PSG6: variants seen among roughly 807,000 people sequenced by gnomAD.
PSG6 encodes the protein pregnancy-specific beta-1-glycoprotein 6.
A neutral mutation model predicts 43.3 loss-of-function variants in PSG6; 51 were observed. The observed-to-expected ratio is 1.18, with a 90% CI of 0.94 to 1.49. The LOEUF (loss-of-function observed/expected upper bound fraction) is 1.49. PSG6 is among the 40% of genes most tolerant of loss of function. PSG6 has a pLI of 0.00. For synonymous variants in PSG6, 292 were observed against 197.6 expected (o/e 1.48, Z -4.01); for missense variants, 770 against 522.2 (o/e 1.47, Z -4.62).
chr19:42,910,798 G>A lies in PSG6; in HGVS notation c.488C>T (p.Ala163Val), dbSNP rs1398812733. The A allele has an allele frequency of 1.9e-6, 3 of 1,612,190 alleles. No homozygotes were observed. The highest frequency in any genetic ancestry group is 2.7e-5 in the African/African-American group (2 of 74,712). Residue 163 changes from alanine (A) to valine (V), a missense_variant, in exon 3 of 6, where the codon GCT becomes GTT. By Grantham distance (64) the Ala-to-Val change is moderately conservative (BLOSUM62 0). Coordinates refer to ENST00000187910, the MANE Select transcript of PSG6 (RefSeq NM_001031850.4). ...CTCAGGATCACAGATTAAGCGCACA[G>A]CCTCCATGACCTCCCTGGGGTTTAA... ...SNLNPREVME[A>V]VRLICDPETP...
intron 5 of PSG6, among the ~76,000 whole-genome samples, chr19:42,905,218 T>G (rs1412489132): frequency 6.6e-6 from 1 of 151,774 alleles, no homozygotes; most frequent in Non-Finnish European, 1.5e-5. Flanking sequence ...CAATGATTTC[T>G]TGGTTGTAAC....
intron 5 of PSG6, chr19:42,906,693 C>T: frequency 6.9e-7 from 1 of 1,453,888 alleles, no homozygotes; most frequent in Non-Finnish European, 9.1e-7. Context: ...CTGATAAAGC[C>T]CCCTCCCTAC....
At position 42,902,117 on chromosome 19, in the gene PSG6, A is replaced by G. The variant is rs1478617915; in HGVS notation, c.*295T>C. 4 of 324,342 alleles carry G rather than the reference A, an allele frequency of 1.2e-5. No individual in the cohort carries two copies. The East Asian group carries it at 2.5e-4, about 21-fold the overall frequency. The allele number at this position is 324,342 out of a possible 1,614,324, so 20.1% of individuals were successfully genotyped here. A position where few individuals can be genotyped will look rare whatever the true frequency, so the allele number is the denominator to read the frequency against. ...TGTGCAAATAACTTTATTACCATAAACCTATGAATACTCATGAATAGTTTC... is the reference window on the plus strand; with the variant it reads ...TGTGCAAATAACTTTATTACCATAAGCCTATGAATACTCATGAATAGTTTC... On this transcript the variant is annotated 3_prime_UTR_variant, in exon 6 of 6. Coordinates refer to ENST00000187910, the MANE Select transcript of PSG6 (RefSeq NM_001031850.4).
Position 42,908,686 on chromosome 19 carries a change from T to C in PSG6, c.707-832A>G, listed in dbSNP as rs201883481. 3.6e-4 allele frequency among the ~76,000 whole-genome samples: 55 copies of C among 151,692 alleles called. 3 individuals are homozygous for C. In the East Asian group the frequency reaches 9.9e-3, roughly 27 times the overall value. On this transcript the variant is annotated intron_variant, in intron 3 of 5. Transcript: ENST00000187910. Reference sequence around the variant, plus strand: ...CATTTGCAAATGCAGAACTGAGTGGTGGAAAGGGTGGGAATGAACTGCTGG... The same window carrying C: ...CATTTGCAAATGCAGAACTGAGTGGCGGAAAGGGTGGGAATGAACTGCTGG...
In PSG6 at chr19:42,907,076, C is replaced by A. The variant is rs763828030; in HGVS notation, c.1086G>T (p.Glu362Asp). 9 of 1,612,702 alleles carry A rather than the reference C, an allele frequency of 5.6e-6. No individual in the cohort carries two copies. The highest frequency in any genetic ancestry group is 7.6e-6 in the Non-Finnish European group (9 of 1,179,270). The change falls in exon 5 of 6, where the codon GAG becomes GAT. Residue 362 changes from glutamate to aspartate, a missense_variant. Coordinates refer to ENST00000187910, the MANE Select transcript of PSG6 (RefSeq NM_001031850.4). ...ACTTCCCATTAATTGTCCAAGAATA[C>A]TCTGCCGGTGGGTTAGAGTCCGCAA... ...SCFADSNPPA[E>D]YSWTINGKFQ...
Position 42,910,809 on chromosome 19 carries a change from C to A in PSG6, c.477G>T (p.Glu159Asp), listed in dbSNP as rs779972451. ...SISSSNLNPR[E>D]VMEAVRLICD... ...AGATTAAGCGCACAGCCTCCATGAC[C>A]TCCCTGGGGTTTAAGTTGCTGCTGG... Residue 159 changes from glutamate (E) to aspartate (D), a missense_variant, in exon 3 of 6, where the codon GAG (glutamate) becomes GAT (aspartate). Glu to Asp is a conservative substitution (Grantham distance 45). Coordinates refer to ENST00000187910, the MANE Select transcript of PSG6 (RefSeq NM_001031850.4). The A allele has an allele frequency of 2.5e-6, 4 of 1,612,062 alleles. No individual in the cohort carries two copies. The highest frequency in any genetic ancestry group is 1.1e-5 in the South Asian group (1 of 90,580).
At chr19:42,904,067 G>C (rs971071927) in intron 5 of PSG6, among the ~76,000 whole-genome samples, 1 of 151,612 alleles carries the variant, frequency 6.6e-6, no homozygotes, top group Non-Finnish European at 1.5e-5. Flanking sequence ...ACTATAATCA[G>C]TAAGAAGATT....
chr19:42,915,126 C>G (rs924235618), intron 2 of PSG6, among the ~76,000 whole-genome samples: 1 of 151,478 alleles, frequency 6.6e-6, no homozygotes, highest in Admixed American at 6.6e-5. Context: ...GGGCCTGTGG[C>G]TGCAGACAGA....
At chr19:42,907,235 G>T (rs1228754625) in intron 4 of PSG6, 59 bp from the exon 5 acceptor site, 1 of 1,579,632 alleles carries the variant, frequency 6.3e-7, no homozygotes, top group Non-Finnish European at 8.6e-7. Flanking sequence ...GATGCTCCTG[G>T]TCTCTTAAAG....
chr19:42,916,040 A>G lies in PSG6; in HGVS notation c.427+85T>C, dbSNP rs565110819. ...ACATAATGCAGAGAGTGACACAGGC[A>G]GAGTCCAGGCCTGACAATTCTGTGT... On this transcript the variant is annotated intron_variant, in intron 2 of 5. Coordinates refer to ENST00000187910, the MANE Select transcript of PSG6 (RefSeq NM_001031850.4). 36 of 1,586,942 alleles carry G rather than the reference A, an allele frequency of 2.3e-5. 1 individual carries two copies. The South Asian group carries it at 4.1e-4, about 18-fold the overall frequency.
chr19:42,906,044 A>C (rs1260426554), intron 5 of PSG6, among the ~76,000 whole-genome samples: 2 of 151,636 alleles, frequency 1.3e-5, no homozygotes, highest in Non-Finnish European at 2.9e-5. Flanking sequence ...TGGTAAGTCT[A>C]ATATTAGATA....
chr19:42,904,190 C>T (rs1010101974), intron 5 of PSG6, among the ~76,000 whole-genome samples: 2 of 151,614 alleles, frequency 1.3e-5, no homozygotes, highest in African/African-American at 2.4e-5. Flanking sequence ...CCAATGCTAA[C>T]ATCTTACATA....
In PSG6 at chr19:42,907,814, G is replaced by A; in HGVS notation, c.747C>T (p.Asn249=). The A allele has an allele frequency of 6.2e-7, 1 of 1,611,594 alleles. No homozygotes were observed. The highest frequency in any genetic ancestry group is 8.5e-7 in the Non-Finnish European group (1 of 1,179,084). Residue 249 remains asparagine, a synonymous_variant, in exon 4 of 6, where the codon AAC becomes AAT. Transcript: ENST00000187910. The part of the protein sequence containing the change: ...PMPYITINNL[N]PREKKDVLAF... Reference sequence around the variant, plus strand: ...CTAACACATCCTTCTTCTCCCTGGGGTTTAAGTTGTTGATGGTGATGTAAG... The same window carrying A: ...CTAACACATCCTTCTTCTCCCTGGGATTTAAGTTGTTGATGGTGATGTAAG...
chr19:42,902,641 C>T (rs555995053), intron 5 of PSG6, among the ~76,000 whole-genome samples, 195 bp from the exon 6 acceptor site: 1 of 151,720 alleles, frequency 6.6e-6, no homozygotes, highest in South Asian at 2.1e-4. Context: ...GCATTGGTAC[C>T]TAAAACTTCT....
chr19:42,905,384 G>A (rs1159356625), intron 5 of PSG6, among the ~76,000 whole-genome samples: 1 of 151,626 alleles, frequency 6.6e-6, no homozygotes, highest in African/African-American at 2.4e-5. Flanking sequence ...CTTTAGGATG[G>A]CTTTGATAAA....
rs538098375 is a variant in PSG6, at chr19:42,912,922, T to G, written c.428-2064A>C. On this transcript the variant is annotated intron_variant, in intron 2 of 5. Transcript: ENST00000187910. ...CCAAACCACAAGTATTCCCGTTAAGTGTATGTGACAGCCTTTGTAGTTGTC... is the reference window on the plus strand; with the variant it reads ...CCAAACCACAAGTATTCCCGTTAAGGGTATGTGACAGCCTTTGTAGTTGTC... 8.7e-4 allele frequency among the ~76,000 whole-genome samples: 132 copies of G among 151,790 alleles called. 1 individual carries two copies. Among genetic ancestry groups the G allele is most frequent in the African/African-American group, 2.8e-3 (115 of 41,430 alleles).
chr19:42,912,957 C>T (rs1194473785), intron 2 of PSG6, among the ~76,000 whole-genome samples: 4 of 151,640 alleles, frequency 2.6e-5, no homozygotes, highest in Non-Finnish European at 5.9e-5. Flanking sequence ...CCCACAACTA[C>T]AAAATTTAAA....
intron 2 of PSG6, 31 bp downstream of exon 2, chr19:42,916,094 C>T (rs376970468): frequency 2.1e-5 from 34 of 1,607,112 alleles, no homozygotes; most frequent in Admixed American, 1.8e-4. Context: ...CCCTGCCCCC[C>T]AACACCCAGG....
chr19:42,904,897 C>G (rs1972088286), intron 5 of PSG6, among the ~76,000 whole-genome samples: 1 of 151,578 alleles, frequency 6.6e-6, no homozygotes, highest in Admixed American at 6.6e-5. Context: ...TACTACAAAG[C>G]CCCAGTAATC....
Sources: allele counts gnomAD v4.1 joint callset (sites outside exome capture counted in the v4.1 genomes callset), GRCh38; gene constraint gnomAD v4.1.1; transcripts MANE v1.5; gene names NCBI Gene and HGNC (gene_info 2026-07-23, HGNC 2026-07-21).